GRIA1: variants seen among roughly 807,000 people sequenced by gnomAD.
GRIA1 encodes glutamate ionotropic receptor AMPA type subunit 1, also known as glutamate receptor 1.
Under a neutral mutation model 99.2 loss-of-function variants are expected in GRIA1, and 31 were observed. The observed-to-expected ratio is 0.31, with a 90% CI of 0.23 to 0.42. The LOEUF is 0.42. Ranked by LOEUF, GRIA1 falls within the 10% of genes least tolerant of loss-of-function variation. The pLI, the probability that GRIA1 is intolerant of heterozygous loss-of-function variation, is 1.00. For missense variants in GRIA1, 782 were observed against 1,157.5 expected, an observed-to-expected ratio of 0.68 and a Z score of 4.71; for synonymous variants, 438 against 432.4, an observed-to-expected ratio of 1.01 and a Z score of -0.16.
At chr5:153,719,794 G>A (rs1017623025) in intron 11 of GRIA1, among the ~76,000 whole-genome samples, 19 of 152,094 alleles carry the variant, frequency 1.2e-4, no homozygotes, top group African/African-American at 4.6e-4. Flanking sequence ...GACCATCTTT[G>A]GAAAATACAA....
rs141760694 is a variant in GRIA1, at chr5:153,719,055, C to A, written c.1823+12988C>A. Among the ~76,000 whole-genome samples, 1,257 of 152,260 alleles carry A rather than the reference C, an allele frequency of 8.3e-3. 14 individuals carry two copies. The highest frequency in any genetic ancestry group is 0.028 in the African/African-American group (1,183 of 41,564). ...ACAAGTCCGTTCCTGCTCTCCTGAG[C>A]ACCTGGTTTTGTTTCTTTGAGGTCA... On this transcript the variant is annotated intron_variant, in intron 11 of 15. Coordinates refer to ENST00000285900, the MANE Select transcript of GRIA1 (RefSeq NM_000827.4).
intron 2 of GRIA1, among the ~76,000 whole-genome samples, chr5:153,570,683 T>G (rs907938356): frequency 6.6e-6 from 1 of 152,214 alleles, no homozygotes; most frequent in Non-Finnish European, 1.5e-5. Flanking sequence ...GCGCCTTATC[T>G]TCTCCAAGCC....
At chr5:153,553,083 CATA>C (rs1158604433) in intron 2 of GRIA1, among the ~76,000 whole-genome samples, 2 of 152,156 alleles carry the variant, frequency 1.3e-5, no homozygotes, top group Non-Finnish European at 2.9e-5. Context: ...CTTTTAAAAG[CATA>C]AATGACAGTG....
intron 2 of GRIA1, among the ~76,000 whole-genome samples, chr5:153,502,657 A>G (rs550000570): frequency 6.6e-6 from 1 of 152,312 alleles, no homozygotes; most frequent in South Asian, 2.1e-4. Flanking sequence ...GCTGTCCAGA[A>G]AGCACAGGGG....
At chr5:153,663,253 A>G (rs919714643) in intron 5 of GRIA1, among the ~76,000 whole-genome samples, 2 of 152,234 alleles carry the variant, frequency 1.3e-5, no homozygotes, top group African/African-American at 4.8e-5. Context: ...CAAGTTGTTG[A>G]AAAACCTTTT....
At chr5:153,757,380 A>T (rs1762902342) in intron 11 of GRIA1, among the ~76,000 whole-genome samples, 2 of 152,216 alleles carry the variant, frequency 1.3e-5, no homozygotes, top group Admixed American at 6.5e-5. Context: ...TAGATGGCTT[A>T]TGCAAAGAAA....
intron 2 of GRIA1, among the ~76,000 whole-genome samples, chr5:153,568,286 A>G (rs1428858902): frequency 6.6e-6 from 1 of 152,242 alleles, no homozygotes; most frequent in African/African-American, 2.4e-5. Flanking sequence ...AACTTTAGCA[A>G]GAAGCTAATC....
At chr5:153,618,162 A>G (rs555822965) in intron 2 of GRIA1, among the ~76,000 whole-genome samples, 50 of 152,314 alleles carry the variant, frequency 3.3e-4, no homozygotes, top group Admixed American at 2.3e-3. Flanking sequence ...TCTTTGTGGG[A>G]CTAGGATAAG....
intron 11 of GRIA1, among the ~76,000 whole-genome samples, chr5:153,763,334 G>T (rs7711124): frequency 6.6e-6 from 1 of 151,878 alleles, no homozygotes; most frequent in African/African-American, 2.4e-5. Flanking sequence ...TGGGTTTCTT[G>T]GTAAAACTCA....
chr5:153,628,364 T>A (rs1381410745), intron 2 of GRIA1, among the ~76,000 whole-genome samples: 1 of 152,218 alleles, frequency 6.6e-6, no homozygotes, highest in Non-Finnish European at 1.5e-5. Context: ...TGACCTGGCT[T>A]TGATTTCTGT....
At chr5:153,692,171 C>G (rs1005022538) in intron 8 of GRIA1, among the ~76,000 whole-genome samples, 1 of 152,200 alleles carries the variant, frequency 6.6e-6, no homozygotes, top group Admixed American at 6.5e-5. Context: ...GGTCTCAGTC[C>G]AAGTGAAGCC....
Position 153,812,558 on chromosome 5 carries a change from A to C in GRIA1, c.*1333A>C, listed in dbSNP as rs867329901. Reference sequence around the variant, plus strand: ...GGAGATGGATTAAGTTGATAATGACATTTAGGGCAACTTAAGACCTTTGAT... The same window carrying C: ...GGAGATGGATTAAGTTGATAATGACCTTTAGGGCAACTTAAGACCTTTGAT... On this transcript the variant is annotated 3_prime_UTR_variant, in exon 16 of 16. Transcript: ENST00000285900. 1.3e-5 allele frequency: 2 copies of C among 152,244 alleles called. No homozygotes were observed. Among genetic ancestry groups the C allele is most frequent in the Non-Finnish European group, 2.9e-5 (2 of 68,052 alleles). The allele number at this position is 152,244 out of a possible 1,614,324, so 9.4% of individuals were successfully genotyped here. A position where few individuals can be genotyped will look rare whatever the true frequency, so the allele number is the denominator to read the frequency against.
intron 14 of GRIA1, among the ~76,000 whole-genome samples, chr5:153,800,563 C>A (rs1015477272): frequency 2.0e-5 from 3 of 152,218 alleles, no homozygotes; most frequent in African/African-American, 7.2e-5. Flanking sequence ...CAAAGCCAGG[C>A]TATGCCTTGC....
chr5:153,683,595 C>T (rs1757138468), intron 7 of GRIA1, among the ~76,000 whole-genome samples: 1 of 152,126 alleles, frequency 6.6e-6, no homozygotes, highest in South Asian at 2.1e-4. Context: ...GACCCTTGAC[C>T]TTATTGGAAA....
At position 153,788,042 on chromosome 5, in the gene GRIA1, T is replaced by C. The variant is rs562038813; in HGVS notation, c.2271-6579T>C. ...TTGCAGTGAGCTGAGATCATGCCAC[T>C]GCACTCCAGCCTGGGCGACAGAGCA... On this transcript the variant is annotated intron_variant, in intron 13 of 15. Transcript: ENST00000285900. Among the ~76,000 whole-genome samples, 3 of 151,864 alleles carry C rather than the reference T, an allele frequency of 2.0e-5. No homozygotes were observed. The East Asian group carries it at 5.8e-4, about 30-fold the overall frequency.
At chr5:153,742,916 C>T (rs1761909319) in intron 11 of GRIA1, among the ~76,000 whole-genome samples, 1 of 152,222 alleles carries the variant, frequency 6.6e-6, no homozygotes, top group Non-Finnish European at 1.5e-5. Flanking sequence ...TGTAATGTCA[C>T]ATATTCTCAA....
intron 11 of GRIA1, among the ~76,000 whole-genome samples, chr5:153,763,656 A>C (rs560232031): frequency 2.0e-4 from 30 of 152,366 alleles, no homozygotes; most frequent in African/African-American, 7.2e-4. Flanking sequence ...GTATCCTATC[A>C]GATCAGAGAG....
intron 2 of GRIA1, among the ~76,000 whole-genome samples, chr5:153,638,841 TAGG>T (rs754975116): frequency 4.6e-5 from 7 of 152,192 alleles, no homozygotes; most frequent in Non-Finnish European, 1.0e-4. Context: ...AGTTTATAGC[TAGG>T]AGTAGGGAGG....
At chr5:153,804,702 C>G (rs1313056385) in intron 15 of GRIA1, among the ~76,000 whole-genome samples, 1 of 151,638 alleles carries the variant, frequency 6.6e-6, no homozygotes, top group Admixed American at 6.6e-5. Context: ...TTTAGTAACT[C>G]TCTGATCCTT....
Sources: allele counts gnomAD v4.1 joint callset (sites outside exome capture counted in the v4.1 genomes callset), GRCh38; gene constraint gnomAD v4.1.1; transcripts MANE v1.5; gene names NCBI Gene and HGNC (gene_info 2026-07-23, HGNC 2026-07-21).